NDRG2: variants seen among roughly 807,000 people sequenced by gnomAD.
The protein encoded by NDRG2 is NDRG family member 2, also known as protein NDRG2.
A neutral mutation model predicts 58.2 loss-of-function variants in NDRG2; 34 were observed. The ratio of observed to expected loss-of-function variants is 0.58; its 90% CI spans 0.44 to 0.78. NDRG2 has a LOEUF of 0.78. Among genes scored for constraint, NDRG2 ranks in the 30% least tolerant of loss-of-function variants. The probability of loss-of-function intolerance (pLI) is 0.00; values close to 1 mark genes in which losing one functional copy is unlikely to be tolerated. For synonymous variants in NDRG2, 187 were observed against 175.9 expected, an observed-to-expected ratio of 1.06 and a Z score of -0.50; for missense variants, 434 against 471.2, an observed-to-expected ratio of 0.92 and a Z score of 0.73.
Position 21,017,489 on chromosome 14 carries a change from C to A in NDRG2, c.*107G>T, listed in dbSNP as rs1282548831. The A allele has an allele frequency of 7.2e-6, 9 of 1,247,846 alleles. No individual in the cohort carries two copies. Among genetic ancestry groups the A allele is most frequent in the Non-Finnish European group, 6.6e-6 (6 of 905,510 alleles). 77.3% of individuals were successfully genotyped at this position (1,247,846 alleles called of 1,614,324 possible). A position where few individuals can be genotyped will look rare whatever the true frequency, so the allele number is the denominator to read the frequency against. ...GATCAAGGTCATCTCCCCGCATGAT[C>A]TGCCCTTTTTCCCTTGCTTACGGTG... On this transcript the variant is annotated 3_prime_UTR_variant, in exon 16 of 16. Coordinates refer to ENST00000556147, the MANE Select transcript of NDRG2 (RefSeq NM_001320329.2).
At chr14:21,039,743 A>G (rs1884806091) in intron 1 of NDRG2, among the ~76,000 whole-genome samples, 1 of 152,212 alleles carries the variant, frequency 6.6e-6, no homozygotes, top group African/African-American at 2.4e-5. Flanking sequence ...TTCATGTGCA[A>G]ACTTAAAACC....
upstream of NDRG2, among the ~76,000 whole-genome samples, chr14:21,026,116 G>C (rs1163360646): frequency 6.6e-6 from 1 of 152,012 alleles, no homozygotes; most frequent in Non-Finnish European, 1.5e-5. Context: ...TGCCCGAGTG[G>C]GTTTGCCACT....
chr14:21,041,836 C>T (rs1483816437), intron 1 of NDRG2, among the ~76,000 whole-genome samples: 1 of 152,162 alleles, frequency 6.6e-6, no homozygotes, highest in African/African-American at 2.4e-5. Flanking sequence ...GGGGATGGTG[C>T]CAGGCCTCGT....
upstream of NDRG2, chr14:21,030,490 C>T (rs150964357): frequency 7.7e-5 from 103 of 1,337,206 alleles, 1 homozygote; most frequent in African/African-American, 1.3e-3. Flanking sequence ...TTTACCATAA[C>T]ACTCATCCTC....
intron 1 of NDRG2, among the ~76,000 whole-genome samples, chr14:21,041,775 G>C (rs934579090): frequency 2.6e-5 from 4 of 152,230 alleles, no homozygotes; most frequent in Non-Finnish European, 2.9e-5. Flanking sequence ...GCCTTGGTTG[G>C]TACCTGGAAC....
At chr14:21,064,176 G>T (rs183166138) in intron 1 of NDRG2, among the ~76,000 whole-genome samples, 27 of 152,236 alleles carry the variant, frequency 1.8e-4, no homozygotes, top group Admixed American at 5.9e-4. Flanking sequence ...TTCAAAGTGC[G>T]GAGGAGTACA....
intron 1 of NDRG2, among the ~76,000 whole-genome samples, chr14:21,050,565 A>G (rs985582811): frequency 6.6e-6 from 1 of 152,252 alleles, no homozygotes; most frequent in African/African-American, 2.4e-5. Flanking sequence ...CTGAAGTGCT[A>G]GTAACCACAG....
intron 2 of NDRG2, 136 bp from the exon 3 acceptor site, chr14:21,023,041 G>C: frequency 8.9e-7 from 1 of 1,121,290 alleles, no homozygotes; most frequent in Non-Finnish European, 1.3e-6. Flanking sequence ...GACAAAGAGA[G>C]ACACGGAAAG....
At chr14:21,032,792 A>T (rs1406251708) in intron 1 of NDRG2, 2 of 372,272 alleles carry the variant, frequency 5.4e-6, no homozygotes, top group Non-Finnish European at 1.0e-5. Context: ...CTGAAGAAAA[A>T]GCAATTAAAT....
intron 1 of NDRG2, among the ~76,000 whole-genome samples, chr14:21,050,138 G>A (rs558883685): frequency 2.0e-4 from 30 of 152,238 alleles, no homozygotes; most frequent in Middle Eastern, 6.8e-3. Flanking sequence ...GCAGACCCCC[G>A]GATTTGAGAC....
intron 1 of NDRG2, chr14:21,042,934 C>A: frequency 6.8e-7 from 1 of 1,464,518 alleles, no homozygotes; most frequent in Non-Finnish European, 9.2e-7. Context: ...AATTTCTCAA[C>A]TGAACACCTC....
intron 1 of NDRG2, among the ~76,000 whole-genome samples, chr14:21,047,854 C>T (rs1885266887): frequency 6.6e-6 from 1 of 152,024 alleles, no homozygotes; most frequent in Admixed American, 6.6e-5. Context: ...ACTCTGGTTC[C>T]CAGAAGTCTC....
intron 1 of NDRG2, chr14:21,032,018 A>G: frequency 6.2e-7 from 1 of 1,614,180 alleles, no homozygotes. Flanking sequence ...GATGACTGAC[A>G]ACACAGGCTA....
At chr14:21,040,995 GT>G (rs1162422654) in intron 1 of NDRG2, among the ~76,000 whole-genome samples, 2 of 151,720 alleles carry the variant, frequency 1.3e-5, no homozygotes, top group African/African-American at 2.4e-5. Context: ...TTGTTTGTTT[GT>G]TTGTTTGTTT....
At chr14:21,030,783 G>C (rs369192139), upstream of NDRG2, 4 of 1,609,780 alleles carry the variant, frequency 2.5e-6, no homozygotes, top group Non-Finnish European at 3.4e-6. Context: ...GGAGGTGGGG[G>C]TGAGAAGAAC....
intron 1 of NDRG2, among the ~76,000 whole-genome samples, chr14:21,051,983 T>C (rs1464463700): frequency 1.3e-5 from 2 of 152,232 alleles, no homozygotes; most frequent in African/African-American, 2.4e-5. Context: ...GCTCCCCTTC[T>C]TTCAAGGCAC....
Position 21,020,078 on chromosome 14 carries a change from G to A in NDRG2, c.556-102C>T, listed in dbSNP as rs1298658559. 2.2e-5 allele frequency: 22 copies of A among 1,011,688 alleles called. No individual in the cohort carries two copies. In the East Asian group the frequency reaches 5.0e-4, roughly 23 times the overall value. The allele number at this position is 1,011,688 out of a possible 1,614,324, so 62.7% of individuals were successfully genotyped here. On this transcript the variant is annotated intron_variant, in intron 8 of 15. Transcript: ENST00000556147. ...TGGGAGGCCGAGGCGGGTGGATCAC[G>A]AGGTCAGGAGTTCAAGACCACCCTG... is the stretch of plus-strand genomic sequence containing the variant.
rs1328934384 is a variant in NDRG2 at position 21,017,488 on chromosome 14, T to A, written c.*108A>T. 5.7e-6 allele frequency: 7 copies of A among 1,235,658 alleles called. No homozygotes were observed. Among genetic ancestry groups the A allele is most frequent in the South Asian group, 1.5e-5 (1 of 65,478 alleles). 76.5% of individuals were successfully genotyped at this position (1,235,658 alleles called of 1,614,324 possible). ...AGATCAAGGTCATCTCCCCGCATGA[T>A]CTGCCCTTTTTCCCTTGCTTACGGT... On this transcript the variant is annotated 3_prime_UTR_variant, in exon 16 of 16. Coordinates refer to ENST00000556147, the MANE Select transcript of NDRG2 (RefSeq NM_001320329.2).
intron 2 of NDRG2, 77 bp downstream of exon 2, chr14:21,023,164 G>A (rs962136654): frequency 8.7e-5 from 107 of 1,233,630 alleles, no homozygotes; most frequent in Non-Finnish European, 1.2e-4. Flanking sequence ...AGATCAGTAC[G>A]CTTGGGAAGT....
Sources: allele counts gnomAD v4.1 joint callset (sites outside exome capture counted in the v4.1 genomes callset), GRCh38; gene constraint gnomAD v4.1.1; transcripts MANE v1.5; gene names NCBI Gene and HGNC (gene_info 2026-07-23, HGNC 2026-07-21).